The following SLC38A4 variants were observed in gnomAD, a reference collection of about 807,000 sequenced individuals.
The protein encoded by SLC38A4 is solute carrier family 38 member 4, also known as sodium-coupled neutral amino acid transporter 4.
SLC38A4 carries 20 observed loss-of-function variants against 63.1 expected under a neutral mutation model. That is an observed-to-expected ratio of 0.32 (90% confidence interval 0.22 to 0.46). The LOEUF (loss-of-function observed/expected upper bound fraction) is 0.46. Ranked by LOEUF, SLC38A4 falls within the 20% of genes least tolerant of loss-of-function variation. The pLI is 1.00. For missense variants in SLC38A4, 526 were observed against 663.6 expected, an observed-to-expected ratio of 0.79 and a Z score of 2.28; for synonymous variants, 230 against 225.5, an observed-to-expected ratio of 1.02 and a Z score of -0.18.
At chr12:46,811,298 G>T (rs1360751526) in intron 1 of SLC38A4, among the ~76,000 whole-genome samples, 1 of 152,016 alleles carries the variant, frequency 6.6e-6, no homozygotes, top group East Asian at 1.9e-4. Flanking sequence ...TGACATCTGA[G>T]GGGCAGGAGA....
rs180744972 is a variant in SLC38A4, at chr12:46,799,301, A to G, written c.-113+4302T>C. On this transcript the variant is annotated intron_variant, in intron 2 of 16. Transcript: ENST00000266579. Reference sequence around the variant, plus strand: ...AGACCTAATTTTATGCTGTTTTAACATATATAAAATATTTATTGGGATGGG... The same window carrying G: ...AGACCTAATTTTATGCTGTTTTAACGTATATAAAATATTTATTGGGATGGG... 5.8e-4 allele frequency among the ~76,000 whole-genome samples: 89 copies of G among 152,296 alleles called. 1 individual carries two copies. In the East Asian group the frequency reaches 0.015, roughly 26 times the overall value.
chr12:46,793,303 C>T (rs1448637319), intron 2 of SLC38A4, 120 bp from the exon 3 acceptor site: 1 of 325,708 alleles, frequency 3.1e-6, no homozygotes, highest in East Asian at 5.8e-5. Flanking sequence ...CTCCTGAAAA[C>T]TTTACATAAG....
At chr12:46,824,779 G>A (rs1939613989) in intron 1 of SLC38A4, among the ~76,000 whole-genome samples, 1 of 152,206 alleles carries the variant, frequency 6.6e-6, no homozygotes. Flanking sequence ...ATGATAAAGA[G>A]GTGGAACAAG....
At chr12:46,828,854 A>G (rs1939693421), upstream of SLC38A4, among the ~76,000 whole-genome samples, 1 of 152,198 alleles carries the variant, frequency 6.6e-6, no homozygotes, top group South Asian at 2.1e-4. Context: ...GTCATTATAT[A>G]CACAGTGGAA....
At chr12:46,818,077 T>G (rs1037072875) in intron 1 of SLC38A4, among the ~76,000 whole-genome samples, 2 of 151,918 alleles carry the variant, frequency 1.3e-5, no homozygotes, top group Non-Finnish European at 2.9e-5. Context: ...ACTTTCATCT[T>G]GGGAAAATAA....
At chr12:46,785,738 C>CTTTTTTTTTTTTTTTTT (rs11335369) in intron 5 of SLC38A4, among the ~76,000 whole-genome samples, 2 of 66,898 alleles carry the variant, frequency 3.0e-5, no homozygotes, top group Non-Finnish European at 5.9e-5. Context: ...ACGAAAATTC[C>CTTTTTTTTTTTTTTTTT]TTTTTTTTTT....
At chr12:46,781,785 A>G (rs1938647451) in intron 7 of SLC38A4, among the ~76,000 whole-genome samples, 1 of 151,998 alleles carries the variant, frequency 6.6e-6, no homozygotes. Context: ...GAAGCGTAGT[A>G]GTGGCTATGC....
chr12:46,798,497 T>C (rs562725484), intron 2 of SLC38A4, among the ~76,000 whole-genome samples: 4 of 152,282 alleles, frequency 2.6e-5, no homozygotes, highest in Admixed American at 2.0e-4. Flanking sequence ...GTGTCTTTCA[T>C]AGTATCCAAC....
chr12:46,831,242 T>C (rs543062857), intron 1 of SLC38A4, among the ~76,000 whole-genome samples: 16 of 152,278 alleles, frequency 1.1e-4, no homozygotes, highest in African/African-American at 3.4e-4. Context: ...ACAGCTGGTG[T>C]GCCGCGCTCG....
intron 14 of SLC38A4, among the ~76,000 whole-genome samples, chr12:46,769,854 AG>A (rs1238028277): frequency 2.5e-4 from 38 of 152,134 alleles, no homozygotes; most frequent in African/African-American, 8.2e-4. Flanking sequence ...AGTGTATAGT[AG>A]GCTCCACCAA....
At chr12:46,821,359 A>G (rs1007393037) in intron 1 of SLC38A4, among the ~76,000 whole-genome samples, 2 of 152,042 alleles carry the variant, frequency 1.3e-5, no homozygotes, top group African/African-American at 4.8e-5. Context: ...TAAAGGTCCA[A>G]TTTCATTCTT....
At chr12:46,804,780 T>C (rs933723253) in intron 1 of SLC38A4, among the ~76,000 whole-genome samples, 6 of 152,078 alleles carry the variant, frequency 3.9e-5, no homozygotes, top group Admixed American at 6.6e-5. Flanking sequence ...TTTTTAGAGT[T>C]ACCCCATAGT....
chr12:46,832,113 G>A (rs567568269), intron 1 of SLC38A4, among the ~76,000 whole-genome samples: 5 of 152,230 alleles, frequency 3.3e-5, no homozygotes, highest in African/African-American at 4.8e-5. Context: ...CCCAAAGCGT[G>A]AATGTTTGGA....
chr12:46,821,990 T>C (rs533549226), intron 1 of SLC38A4, among the ~76,000 whole-genome samples: 7 of 152,316 alleles, frequency 4.6e-5, no homozygotes, highest in African/African-American at 1.7e-4. Flanking sequence ...ATTGTCAACA[T>C]ATAGAAATCT....
chr12:46,802,664 T>C (rs1250512619), intron 2 of SLC38A4, among the ~76,000 whole-genome samples: 1 of 151,986 alleles, frequency 6.6e-6, no homozygotes, highest in Admixed American at 6.6e-5. Context: ...AATGGCAATC[T>C]TTTATTAAAA....
chr12:46,798,900 A>G (rs1939072559), intron 2 of SLC38A4, among the ~76,000 whole-genome samples: 1 of 152,152 alleles, frequency 6.6e-6, no homozygotes, highest in African/African-American at 2.4e-5. Context: ...ACAGAGAACT[A>G]AAGCCTAATC....
rs372926244 is a variant in SLC38A4 at position 46,784,648 on chromosome 12, T to C, written c.401-14A>G. The C allele has an allele frequency of 6.9e-5, 109 of 1,588,348 alleles. No homozygotes were observed. The highest frequency in any genetic ancestry group is 8.1e-5 in the Non-Finnish European group (94 of 1,159,746). ...AAATCAAAGACCCTACAATCAAAGA[T>C]AAAATAGCCTTGTTAAAGAGATTGT... is the stretch of plus-strand genomic sequence containing the variant. On this transcript the variant is annotated splice_polypyrimidine_tract_variant and intron_variant, in intron 6 of 16. Coordinates refer to ENST00000266579, the MANE Select transcript of SLC38A4 (RefSeq NM_018018.5).
intron 2 of SLC38A4, among the ~76,000 whole-genome samples, chr12:46,799,557 A>T (rs1236002714): frequency 1.3e-5 from 2 of 152,220 alleles, no homozygotes; most frequent in Non-Finnish European, 2.9e-5. Flanking sequence ...AGATTGCACC[A>T]CTGCATTCCA....
In SLC38A4 at chr12:46,815,274, T is replaced by C. The variant is rs1352055054; in HGVS notation, c.-305+10629A>G. On this transcript the variant is annotated intron_variant, in intron 1 of 16. Coordinates refer to ENST00000266579, the MANE Select transcript of SLC38A4 (RefSeq NM_018018.5). Reference sequence around the variant, plus strand: ...ATATATATATATATATATATATATATATATATATATACACACACACACACA... The same window carrying C: ...ATATATATATATATATATATATATACATATATATATACACACACACACACA... Among the ~76,000 whole-genome samples, 494 of 69,420 alleles carry C rather than the reference T, an allele frequency of 7.1e-3. 2 individuals carry two copies. Among genetic ancestry groups the C allele is most frequent in the African/African-American group, 0.025 (442 of 17,344 alleles). 45.5% of individuals were successfully genotyped at this position (69,420 alleles called of 152,430 possible).
Sources: gnomAD v4.1 joint callset for allele counts (sites outside exome capture counted in the v4.1 genomes callset) on GRCh38, gnomAD v4.1.1 for gene constraint, MANE v1.5 for transcripts, NCBI Gene and HGNC (gene_info 2026-07-23, HGNC 2026-07-21) for gene names.